Variants in CCDC171 observed in about 807,000 individuals in gnomAD.
CCDC171 encodes coiled-coil domain-containing protein 171.
CCDC171 carries 177 observed loss-of-function variants against 168.2 expected under a neutral mutation model. The observed-to-expected ratio is 1.05, with a 90% CI of 0.93 to 1.19. The LOEUF (loss-of-function observed/expected upper bound fraction) is 1.19, where lower values mean the gene tolerates loss of function less well. Ranked by LOEUF, CCDC171 falls within the 50% of genes most tolerant of loss-of-function variation. CCDC171 has a pLI of 0.00. For synonymous variants in CCDC171, 687 were observed against 540.8 expected, an observed-to-expected ratio of 1.27 and a Z score of -3.75; for missense variants, 1,991 against 1,539.0, an observed-to-expected ratio of 1.29 and a Z score of -4.91.
At chr9:15,767,502 C>A (rs2056784683) in intron 18 of CCDC171, among the ~76,000 whole-genome samples, 1 of 150,950 alleles carries the variant, frequency 6.6e-6, no homozygotes, top group Non-Finnish European at 1.5e-5. Flanking sequence ...AAACTTCATT[C>A]CATCTACACC....
chr9:15,893,937 G>A (rs1437524274), intron 24 of CCDC171, among the ~76,000 whole-genome samples: 1 of 152,110 alleles, frequency 6.6e-6, no homozygotes, highest in Non-Finnish European at 1.5e-5. Context: ...ATATACCAAA[G>A]ATGTATAAAT....
intron 21 of CCDC171, among the ~76,000 whole-genome samples, chr9:15,827,554 G>A (rs186137100): frequency 3.3e-5 from 5 of 152,078 alleles, no homozygotes; most frequent in Admixed American, 2.0e-4. Flanking sequence ...GTTTATTTTC[G>A]TAGAAATCTT....
chr9:16,018,190 T>G (rs753701072), intron 3 of CCDC171, among the ~76,000 whole-genome samples: 1 of 152,206 alleles, frequency 6.6e-6, no homozygotes, highest in Non-Finnish European at 1.5e-5. Flanking sequence ...GCCTATTAGA[T>G]GAATTGTCAA....
intron 3 of CCDC171, among the ~76,000 whole-genome samples, chr9:16,001,814 T>A (rs1832554237): frequency 6.6e-6 from 1 of 151,384 alleles, no homozygotes; most frequent in African/African-American, 2.4e-5. Flanking sequence ...AATGACTATG[T>A]TACTGGTTTA....
intron 7 of CCDC171, among the ~76,000 whole-genome samples, chr9:15,632,389 A>G (rs1213790932): frequency 6.6e-6 from 1 of 151,988 alleles, no homozygotes; most frequent in Non-Finnish European, 1.5e-5. Context: ...AGACAAACAG[A>G]GAGCCAAATA....
chr9:15,578,301 C>G (rs535831635), intron 3 of CCDC171, among the ~76,000 whole-genome samples: 1 of 149,604 alleles, frequency 6.7e-6, no homozygotes, highest in Non-Finnish European at 1.5e-5. Flanking sequence ...GTGGCATGGT[C>G]TCTGCTCACT....
intron 3 of CCDC171, among the ~76,000 whole-genome samples, chr9:16,014,811 A>G (rs369541091): frequency 2.8e-4 from 42 of 152,264 alleles, no homozygotes; most frequent in African/African-American, 9.6e-4. Context: ...TATTCGGTAA[A>G]CCATGCTATA....
chr9:15,629,037 CCAT>C (rs1216741250), intron 7 of CCDC171, among the ~76,000 whole-genome samples: 2 of 152,064 alleles, frequency 1.3e-5, no homozygotes, highest in Non-Finnish European at 2.9e-5. Context: ...CTGTACATCA[CCAT>C]CATCAAAGAC....
intron 24 of CCDC171, among the ~76,000 whole-genome samples, chr9:15,894,497 C>G (rs7027202): frequency 0.42 from 64,221 of 151,908 alleles, 14,032 homozygotes; most frequent in East Asian, 0.73. Context: ...TAAATGGCTT[C>G]CCATCACCCT....
chr9:15,757,044 C>G (rs1375846626), intron 18 of CCDC171, among the ~76,000 whole-genome samples: 1 of 152,154 alleles, frequency 6.6e-6, no homozygotes, highest in East Asian at 1.9e-4. Context: ...CTAACTAATA[C>G]AGTAAATTGG....
chr9:15,886,752 T>TTG (rs1554666649), intron 24 of CCDC171: 1 of 63,088 alleles, frequency 1.6e-5, no homozygotes, highest in African/African-American at 6.0e-5. Context: ...GAGGAAATGT[T>TTG]TATACACACA....
chr9:16,091,890 T>C, the CCDC171 span, among the ~76,000 whole-genome samples: 1 of 152,202 alleles, frequency 6.6e-6, no homozygotes, highest in African/African-American at 2.4e-5. Context: ...AAAATTACGA[T>C]GTGAGTGAGT....
At chr9:15,905,966 A>G (rs1822531496) in intron 24 of CCDC171, among the ~76,000 whole-genome samples, 1 of 152,226 alleles carries the variant, frequency 6.6e-6, no homozygotes, top group South Asian at 2.1e-4. Flanking sequence ...TCCCAAGACT[A>G]AACCAGGAAG....
intron 6 of CCDC171, among the ~76,000 whole-genome samples, chr9:15,595,941 G>A (rs1425893945): frequency 6.6e-6 from 1 of 152,198 alleles, no homozygotes; most frequent in Non-Finnish European, 1.5e-5. Context: ...CTGCAGAAAT[G>A]TCTTCTTTTG....
chr9:15,609,521 G>T (rs994236509), intron 6 of CCDC171, among the ~76,000 whole-genome samples: 9 of 152,160 alleles, frequency 5.9e-5, no homozygotes, highest in Admixed American at 2.0e-4. Flanking sequence ...GCATGAGATG[G>T]GATCTAATTT....
chr9:15,777,908 T>C (rs1397379671), intron 19 of CCDC171, 82 bp downstream of exon 19: 1 of 908,032 alleles, frequency 1.1e-6, no homozygotes, highest in Non-Finnish European at 1.6e-6. Flanking sequence ...GTTTAAATTA[T>C]TAGTTGTACA....
intron 3 of CCDC171, among the ~76,000 whole-genome samples, chr9:15,999,677 C>A (rs1309730787): frequency 6.6e-6 from 1 of 152,216 alleles, no homozygotes; most frequent in African/African-American, 2.4e-5. Flanking sequence ...GCTCCTCCAG[C>A]CCCTCCATCT....
chr9:15,715,696 G>T (rs892644278), intron 11 of CCDC171, among the ~76,000 whole-genome samples: 2 of 152,102 alleles, frequency 1.3e-5, no homozygotes, highest in African/African-American at 4.8e-5. Context: ...TTGGGATCTT[G>T]TAGAAAAATG....
At chr9:15,967,921 A>G (rs553119561) in intron 25 of CCDC171, among the ~76,000 whole-genome samples, 1 of 152,330 alleles carries the variant, frequency 6.6e-6, no homozygotes, top group South Asian at 2.1e-4. Flanking sequence ...ACTTACAGAC[A>G]ATTTATTGGG....
Sources: gnomAD v4.1 joint callset for allele counts (sites outside exome capture counted in the v4.1 genomes callset) on GRCh38, gnomAD v4.1.1 for gene constraint, MANE v1.5 for transcripts, NCBI Gene and HGNC (gene_info 2026-07-23, HGNC 2026-07-21) for gene names.